Variants in ITPR1 observed in about 807,000 individuals in gnomAD.
ITPR1 encodes the protein inositol 1,4,5-trisphosphate receptor type 1.
In ITPR1, 96 loss-of-function variants were observed where a neutral mutation model predicts 318.4. The observed-to-expected ratio is 0.30, with a 90% CI of 0.26 to 0.36. The LOEUF is 0.36. Ranked by LOEUF, ITPR1 falls within the 10% of genes least tolerant of loss-of-function variation. ITPR1 has a pLI of 1.00. For missense variants in ITPR1, 2,440 were observed against 3,460.2 expected (o/e 0.71, Z 7.40); for synonymous variants, 1,312 against 1,289.9 (o/e 1.02, Z -0.37).
At chr3:4,635,608 G>T (rs1021642618) in intron 5 of ITPR1, among the ~76,000 whole-genome samples, 2 of 152,046 alleles carry the variant, frequency 1.3e-5, no homozygotes, top group Non-Finnish European at 2.9e-5. Flanking sequence ...GCCTCCCAAA[G>T]TGCTGGGATT....
At chr3:4,494,361 T>G (rs1354724561) in intron 1 of ITPR1, 70 bp from the exon 2 acceptor site, 2 of 152,284 alleles carry the variant, frequency 1.3e-5, no homozygotes, top group Non-Finnish European at 2.9e-5. Context: ...AACTTGTAAT[T>G]TGGAGCATTT....
At chr3:4,722,971 A>G (rs2042268832) in intron 40 of ITPR1, among the ~76,000 whole-genome samples, 2 of 152,206 alleles carry the variant, frequency 1.3e-5, no homozygotes, top group Non-Finnish European at 2.9e-5. Context: ...CCACATGGTG[A>G]AACCATGTCT....
chr3:4,704,464 G>A (rs745402916), intron 36 of ITPR1, among the ~76,000 whole-genome samples: 2 of 152,146 alleles, frequency 1.3e-5, no homozygotes, highest in Non-Finnish European at 2.9e-5. Flanking sequence ...CTATCTGGGT[G>A]ATGGGTTCGA....
At chr3:4,496,826 A>G (rs969359860) in intron 2 of ITPR1, among the ~76,000 whole-genome samples, 6 of 152,238 alleles carry the variant, frequency 3.9e-5, no homozygotes, top group Non-Finnish European at 8.8e-5. Context: ...TTTCTTCATG[A>G]GCAGCTCTTA....
At chr3:4,608,608 G>A (rs1301480807) in intron 4 of ITPR1, among the ~76,000 whole-genome samples, 2 of 152,006 alleles carry the variant, frequency 1.3e-5, no homozygotes, top group Non-Finnish European at 2.9e-5. Context: ...CTAGGGAGTG[G>A]GGTGCTACTG....
chr3:4,738,586 G>A (rs2043454987), intron 44 of ITPR1, among the ~76,000 whole-genome samples: 1 of 152,230 alleles, frequency 6.6e-6, no homozygotes. Flanking sequence ...TGGTGGGGCT[G>A]AGGGCCGCCA....
At chr3:4,637,939 A>C (rs1161877243) in intron 5 of ITPR1, among the ~76,000 whole-genome samples, 1 of 152,148 alleles carries the variant, frequency 6.6e-6, no homozygotes. Context: ...TAATGGTTAA[A>C]ATTTATGATC....
chr3:4,639,026 T>G (rs2093273303), intron 5 of ITPR1, among the ~76,000 whole-genome samples: 1 of 152,168 alleles, frequency 6.6e-6, no homozygotes, highest in Non-Finnish European at 1.5e-5. Flanking sequence ...TCCAAAGCCT[T>G]AAAGAGGACT....
chr3:4,788,092 G>A lies in ITPR1; in HGVS notation c.6761G>A (p.Arg2254Gln), dbSNP rs1379481499. The A allele has an allele frequency of 8.1e-6, 13 of 1,609,522 alleles. No individual in the cohort carries two copies. The highest frequency in any genetic ancestry group is 4.5e-5 in the East Asian group (2 of 44,770). Reference sequence around the variant, plus strand: ...AGCAAAATCAATGATTTCTTTCTGCGGTCTGAAGACCTCTTCAATGAAATG... The same window carrying A: ...AGCAAAATCAATGATTTCTTTCTGCAGTCTGAAGACCTCTTCAATGAAATG... ...QGSKINDFFLRSEDLFNEMNW... is the reference protein window; with the variant it reads ...QGSKINDFFLQSEDLFNEMNW... The change falls in exon 52 of 62, where the codon CGG becomes CAG. Residue 2254 changes from arginine to glutamine, a missense_variant. Arg to Gln is a conservative substitution (Grantham distance 43). This residue lies in a region of ITPR1 where 115 missense variants were observed against 204.5 expected (regional missense o/e 0.56). Coordinates refer to ENST00000649015, the MANE Select transcript of ITPR1 (RefSeq NM_001378452.1).
chr3:4,740,759 T>C (rs1005164251), intron 44 of ITPR1, among the ~76,000 whole-genome samples: 1 of 152,156 alleles, frequency 6.6e-6, no homozygotes, highest in African/African-American at 2.4e-5. Flanking sequence ...AGGCTTCACA[T>C]TGAACCCTCC....
At chr3:4,643,134 T>G (rs1472920905) in intron 7 of ITPR1, among the ~76,000 whole-genome samples, 1 of 152,212 alleles carries the variant, frequency 6.6e-6, no homozygotes, top group Non-Finnish European at 1.5e-5. Flanking sequence ...CCCTCATAGT[T>G]GGTAAATAAT....
chr3:4,690,958 A>G (rs1191588007), intron 31 of ITPR1, among the ~76,000 whole-genome samples, 186 bp from the exon 32 acceptor site: 4 of 152,076 alleles, frequency 2.6e-5, no homozygotes, highest in Admixed American at 2.0e-4. Context: ...GTTTATTTAT[A>G]TGTCAATGAA....
chr3:4,595,440 G>C (rs913568392), intron 4 of ITPR1, among the ~76,000 whole-genome samples: 6 of 152,202 alleles, frequency 3.9e-5, no homozygotes, highest in African/African-American at 1.4e-4. Context: ...AGCCATTCAT[G>C]AAGGATCCAC....
chr3:4,724,921 G>C (rs1292951436), intron 40 of ITPR1, among the ~76,000 whole-genome samples: 1 of 152,140 alleles, frequency 6.6e-6, no homozygotes. Context: ...CATGGGGTGG[G>C]AAACTCATCT....
intron 44 of ITPR1, among the ~76,000 whole-genome samples, chr3:4,745,201 T>G (rs1397129013): frequency 6.6e-6 from 1 of 151,688 alleles, no homozygotes; most frequent in Non-Finnish European, 1.5e-5. Context: ...TTTCTTTTCT[T>G]TCTTCCTTTT....
chr3:4,631,037 CATTGTT>C (rs2093000713), intron 5 of ITPR1, among the ~76,000 whole-genome samples: 1 of 152,194 alleles, frequency 6.6e-6, no homozygotes, highest in African/African-American at 2.4e-5. Flanking sequence ...CATGAAAGTG[CATTGTT>C]ACAACTTGAC....
intron 2 of ITPR1, among the ~76,000 whole-genome samples, chr3:4,516,213 GA>G (rs1270800600): frequency 2.6e-5 from 4 of 152,202 alleles, no homozygotes; most frequent in African/African-American, 9.7e-5. Flanking sequence ...TCAACTTGTA[GA>G]ATCTGATTCA....
chr3:4,643,538 G>A (rs1333006540), intron 7 of ITPR1, among the ~76,000 whole-genome samples: 3 of 151,906 alleles, frequency 2.0e-5, no homozygotes, highest in African/African-American at 4.8e-5. Flanking sequence ...CTTTTTGAAA[G>A]TGGGATAGAA....
At chr3:4,810,456 G>A (rs2106485037) in intron 55 of ITPR1, among the ~76,000 whole-genome samples, 2 of 152,276 alleles carry the variant, frequency 1.3e-5, no homozygotes, top group Admixed American at 1.3e-4. Flanking sequence ...CAAAGAGCAG[G>A]TTCCTTAGCA....
Sources: allele counts gnomAD v4.1 joint callset (sites outside exome capture counted in the v4.1 genomes callset), GRCh38; gene constraint gnomAD v4.1.1; regional missense constraint gnomAD v4.1.1; transcripts MANE v1.5; gene names NCBI Gene and HGNC (gene_info 2026-07-23, HGNC 2026-07-21).